NRXN3: variants seen among roughly 807,000 people sequenced by gnomAD.
The protein encoded by NRXN3 is neurexin III.
NRXN3 carries 32 observed loss-of-function variants against 137.6 expected under a neutral mutation model. That is an observed-to-expected ratio of 0.23 (90% CI 0.18 to 0.31). The LOEUF is 0.31. Ranked by LOEUF, NRXN3 falls within the 10% of genes least tolerant of loss-of-function variation. NRXN3 has a pLI of 1.00. For missense variants in NRXN3, 1,574 were observed against 2,062.5 expected, an observed-to-expected ratio of 0.76 and a Z score of 4.59; for synonymous variants, 798 against 784.5, an observed-to-expected ratio of 1.02 and a Z score of -0.29.
chr14:79,114,355 A>C (rs963721719), intron 15 of NRXN3, among the ~76,000 whole-genome samples: 3 of 152,034 alleles, frequency 2.0e-5, no homozygotes, highest in Admixed American at 6.5e-5. Flanking sequence ...CTCCAAGTAG[A>C]TATATATTCT....
intron 15 of NRXN3, among the ~76,000 whole-genome samples, chr14:79,076,095 A>G (rs1487139600): frequency 6.6e-6 from 1 of 152,162 alleles, no homozygotes; most frequent in Non-Finnish European, 1.5e-5. Flanking sequence ...TTGTCTTATA[A>G]GAAGGAAGAG....
intron 10 of NRXN3, among the ~76,000 whole-genome samples, chr14:78,919,095 A>G (rs1292764210): frequency 2.0e-5 from 3 of 152,178 alleles, no homozygotes; most frequent in Non-Finnish European, 4.4e-5. Flanking sequence ...TATGAGACAC[A>G]CTTGTTTCAC....
At chr14:78,224,750 C>CTTGTTTTTTTT in intron 1 of NRXN3, among the ~76,000 whole-genome samples, 1 of 64,828 alleles carries the variant, frequency 1.5e-5, no homozygotes, top group African/African-American at 6.1e-5. Flanking sequence ...GTGCATGTGT[C>CTTGTTTTTTTT]TTTTTTTTTT....
chr14:78,602,225 G>A (rs2097207323), intron 4 of NRXN3, among the ~76,000 whole-genome samples: 1 of 148,856 alleles, frequency 6.7e-6, no homozygotes, highest in South Asian at 2.1e-4. Context: ...ATACATGTAG[G>A]GTATATAGGC....
chr14:79,568,766 C>T (rs917057031), intron 16 of NRXN3, among the ~76,000 whole-genome samples: 4 of 152,154 alleles, frequency 2.6e-5, no homozygotes, highest in African/African-American at 7.2e-5. Context: ...CTGCTGTTCT[C>T]TATATTCCAT....
intron 4 of NRXN3, among the ~76,000 whole-genome samples, chr14:78,380,568 T>C (rs1469212101): frequency 6.6e-6 from 1 of 152,038 alleles, no homozygotes; most frequent in Non-Finnish European, 1.5e-5. Context: ...AGCCAAGAAA[T>C]GTTACCAGTG....
chr14:79,294,779 G>T (rs2083769632), intron 15 of NRXN3, among the ~76,000 whole-genome samples: 1 of 152,168 alleles, frequency 6.6e-6, no homozygotes, highest in Non-Finnish European at 1.5e-5. Flanking sequence ...GATGAGCAAT[G>T]CAAGGCACTG....
intron 15 of NRXN3, among the ~76,000 whole-genome samples, chr14:79,185,868 G>C (rs2063487816): frequency 1.3e-5 from 2 of 152,030 alleles, no homozygotes; most frequent in African/African-American, 4.8e-5. Context: ...AAATTTTCTA[G>C]ATTAAAAAAT....
intron 6 of NRXN3, chr14:78,708,630 T>C (rs1470022319): frequency 1.3e-5 from 2 of 152,358 alleles, no homozygotes; most frequent in African/African-American, 4.8e-5. Flanking sequence ...CCAAAGAGAC[T>C]TTATGCTTAC....
intron 16 of NRXN3, among the ~76,000 whole-genome samples, chr14:79,513,195 A>G (rs1386538689): frequency 4.6e-5 from 7 of 152,248 alleles, no homozygotes; most frequent in African/African-American, 1.2e-4. Context: ...TTGGAAAGCT[A>G]TCTTTTGCAA....
intron 15 of NRXN3, among the ~76,000 whole-genome samples, chr14:79,457,445 C>T (rs2096272891): frequency 6.6e-6 from 1 of 152,170 alleles, no homozygotes; most frequent in Non-Finnish European, 1.5e-5. Flanking sequence ...TTGTCGCCTT[C>T]TTAATCATGG....
chr14:79,528,834 C>T (rs1278770444), intron 16 of NRXN3, among the ~76,000 whole-genome samples: 3 of 152,038 alleles, frequency 2.0e-5, no homozygotes, highest in Non-Finnish European at 4.4e-5. Flanking sequence ...GCTCAGTCAT[C>T]GAAGAGTGAA....
intron 10 of NRXN3, among the ~76,000 whole-genome samples, chr14:78,843,619 A>G (rs756668404): frequency 8.5e-5 from 13 of 152,156 alleles, no homozygotes; most frequent in Non-Finnish European, 1.8e-4. Context: ...AGTAGATTCA[A>G]TGAGAGCAGC....
intron 15 of NRXN3, among the ~76,000 whole-genome samples, chr14:79,308,277 C>G (rs2086483221): frequency 6.6e-6 from 1 of 152,154 alleles, no homozygotes; most frequent in South Asian, 2.1e-4. Context: ...TTTACACTGT[C>G]TTACCTATTA....
At chr14:78,707,808 G>A (rs543231492) in intron 6 of NRXN3, among the ~76,000 whole-genome samples, 1 of 152,160 alleles carries the variant, frequency 6.6e-6, no homozygotes, top group African/African-American at 2.4e-5. Context: ...TACAATGTTC[G>A]GTTTTCCATT....
chr14:79,131,007 C>T (rs1186893225), intron 15 of NRXN3, among the ~76,000 whole-genome samples: 5 of 152,178 alleles, frequency 3.3e-5, no homozygotes, highest in East Asian at 1.9e-4. Context: ...ACGTAGTTCT[C>T]GAGCCTTGGC....
Position 79,300,617 on chromosome 14 carries a change from A to AG in NRXN3, c.3263-166601dup, listed in dbSNP as rs549493559. Among the ~76,000 whole-genome samples the AG allele has an allele frequency of 5.1e-4, 78 of 152,176 alleles. 1 individual carries two copies. Among genetic ancestry groups the AG allele is most frequent in the African/African-American group, 1.9e-3 (77 of 41,550 alleles). On this transcript the variant is annotated intron_variant, in intron 15 of 20. Coordinates refer to ENST00000335750, the MANE Select transcript of NRXN3 (RefSeq NM_001330195.2). ...GTTGACTGCTTCACTTGGTGGTCTC[A>AG]GGGCTGCCTCCCAGAGAGGTATATA...
intron 10 of NRXN3, among the ~76,000 whole-genome samples, chr14:78,917,217 G>T (rs532063760): frequency 6.6e-6 from 1 of 152,140 alleles, no homozygotes; most frequent in African/African-American, 2.4e-5. Flanking sequence ...GGGATAAAAA[G>T]GTATACTGTT....
intron 15 of NRXN3, among the ~76,000 whole-genome samples, chr14:79,240,866 AT>A (rs1468278814): frequency 6.6e-6 from 1 of 152,114 alleles, no homozygotes; most frequent in Non-Finnish European, 1.5e-5. Flanking sequence ...CCTGACAGGC[AT>A]TTTCATTACA....
Sources: gnomAD v4.1 joint callset for allele counts (sites outside exome capture counted in the v4.1 genomes callset) on GRCh38, gnomAD v4.1.1 for gene constraint, MANE v1.5 for transcripts, NCBI Gene and HGNC (gene_info 2026-07-23, HGNC 2026-07-21) for gene names.